The following CFAP43 variants were observed in gnomAD, a reference collection of about 807,000 sequenced individuals.
The protein encoded by CFAP43 is cilia and flagella associated protein 43.
A neutral mutation model predicts 218.9 loss-of-function variants in CFAP43; 155 were observed. That is an observed-to-expected ratio of 0.71 (90% CI 0.62 to 0.81). The LOEUF is 0.81. Ranked by LOEUF, CFAP43 falls within the 30% of genes least tolerant of loss-of-function variation. The pLI is 0.00. For missense variants in CFAP43, 1,778 were observed against 1,954.3 expected (o/e 0.91, Z 1.70); for synonymous variants, 645 against 681.3 (o/e 0.95, Z 0.83).
In CFAP43 at chr10:104,157,771, TGTGTGAGAGA is replaced by T. The variant is rs1450705235; in HGVS notation, c.3540+3256_3540+3265del. 8.6e-3 allele frequency among the ~76,000 whole-genome samples: 915 copies of T among 105,912 alleles called. 8 individuals carry two copies. The highest frequency in any genetic ancestry group is 0.034 in the African/African-American group (872 of 25,876). The allele number at this position is 105,912 out of a possible 152,430, so 69.5% of individuals were successfully genotyped here. On this transcript the variant is annotated intron_variant, in intron 27 of 37. Transcript: ENST00000357060. ...GTGTGTGTGTGTGTGTGTGTGTGTG[TGTGTGAGAGA>T]GAGAGAGAGAGAGAGAGAGAGAGAG...
chr10:104,226,759 C>G (rs2091314276), intron 2 of CFAP43, among the ~76,000 whole-genome samples: 1 of 152,096 alleles, frequency 6.6e-6, no homozygotes. Flanking sequence ...ATGGCTCACA[C>G]CTGAAATCCC....
intron 3 of CFAP43, among the ~76,000 whole-genome samples, chr10:104,223,780 A>C (rs545114671): frequency 6.6e-6 from 1 of 152,352 alleles, no homozygotes; most frequent in East Asian, 1.9e-4. Context: ...AATACAGTAC[A>C]TCCATCAACA....
intron 10 of CFAP43, 99 bp downstream of exon 10, chr10:104,196,754 T>C: frequency 1.0e-6 from 1 of 1,002,056 alleles, no homozygotes; most frequent in Non-Finnish European, 1.4e-6. Context: ...GAGGCTTCGG[T>C]AACAAGTATT....
intron 20 of CFAP43, among the ~76,000 whole-genome samples, chr10:104,170,352 C>T (rs1035628437): frequency 6.6e-6 from 1 of 151,876 alleles, no homozygotes; most frequent in Non-Finnish European, 1.5e-5. Flanking sequence ...CACAGGGTGG[C>T]GGTGGGGTAG....
At chr10:104,226,574 AG>A (rs2135012130) in intron 2 of CFAP43, among the ~76,000 whole-genome samples, 1 of 151,396 alleles carries the variant, frequency 6.6e-6, no homozygotes, top group African/African-American at 2.4e-5. Context: ...CCAAAAAAAA[AG>A]AGAGAAAAAT....
At chr10:104,199,747 C>G (rs986062726) in intron 8 of CFAP43, among the ~76,000 whole-genome samples, 1 of 152,172 alleles carries the variant, frequency 6.6e-6, no homozygotes, top group African/African-American at 2.4e-5. Context: ...ACAGGCAGGC[C>G]TCCATGACAA....
intron 3 of CFAP43, among the ~76,000 whole-genome samples, chr10:104,223,925 T>C (rs1404531801): frequency 6.6e-6 from 1 of 152,196 alleles, no homozygotes; most frequent in African/African-American, 2.4e-5. Flanking sequence ...ATACACTGTG[T>C]CACTCCCTGT....
intron 27 of CFAP43, among the ~76,000 whole-genome samples, chr10:104,156,285 A>C (rs1344163371): frequency 6.6e-6 from 1 of 151,482 alleles, no homozygotes. Context: ...AGAAAGGGGA[A>C]AAAAAGAATT....
chr10:104,130,754 T>A (rs927932070), intron 37 of CFAP43, among the ~76,000 whole-genome samples: 1 of 151,952 alleles, frequency 6.6e-6, no homozygotes, highest in African/African-American at 2.4e-5. Flanking sequence ...TCCCAGCACT[T>A]TGGTTAGCTG....
chr10:104,158,543 T>C (rs541258734), intron 27 of CFAP43, among the ~76,000 whole-genome samples: 254 of 152,246 alleles, frequency 1.7e-3, no homozygotes, highest in African/African-American at 6.0e-3. Flanking sequence ...AAAATGTCAA[T>C]GTCATGGAAC....
chr10:104,193,767 A>G (rs2090300590), intron 11 of CFAP43, 99 bp downstream of exon 11: 1 of 1,421,978 alleles, frequency 7.0e-7, no homozygotes, highest in Non-Finnish European at 9.4e-7. Flanking sequence ...AAACAAATGA[A>G]ACACGTAAAA....
At chr10:104,199,725 A>C (rs1264962621) in intron 8 of CFAP43, among the ~76,000 whole-genome samples, 1 of 152,264 alleles carries the variant, frequency 6.6e-6, no homozygotes, top group Non-Finnish European at 1.5e-5. Flanking sequence ...GCCAGGTCTC[A>C]CTAACAGCTG....
chr10:104,136,349 CTTATTTTATT>C lies in CFAP43; in HGVS notation c.4432-2575_4432-2566del, dbSNP rs556302792. Among the ~76,000 whole-genome samples the C allele has an allele frequency of 7.0e-3, 1,037 of 148,184 alleles. 48 individuals are homozygous for C. Among genetic ancestry groups the C allele is most frequent in the Admixed American group, 0.057 (842 of 14,902 alleles). Reference sequence around the variant, plus strand: ...TTCAGATTTGATTCTTAGATATTTACTTATTTTATTTTATTTTATTTTATTTTATTTTATT... The same window carrying C: ...TTCAGATTTGATTCTTAGATATTTACTTATTTTATTTTATTTTATTTTATT... On this transcript the variant is annotated intron_variant, in intron 34 of 37. Coordinates refer to ENST00000357060, the MANE Select transcript of CFAP43 (RefSeq NM_025145.7).
intron 34 of CFAP43, 47 bp from the exon 35 acceptor site, chr10:104,133,831 A>G: frequency 4.1e-6 from 6 of 1,459,176 alleles, no homozygotes; most frequent in Non-Finnish European, 5.6e-6. Flanking sequence ...TTCTGCATAT[A>G]GAACATAGAA....
chr10:104,185,683 T>C (rs2090006867), intron 15 of CFAP43, among the ~76,000 whole-genome samples: 1 of 152,184 alleles, frequency 6.6e-6, no homozygotes, highest in Admixed American at 6.6e-5. Flanking sequence ...AAAACTGAGA[T>C]TTCTGAGTCA....
intron 4 of CFAP43, among the ~76,000 whole-genome samples, chr10:104,213,915 C>T (rs1329216720): frequency 6.6e-6 from 1 of 152,180 alleles, no homozygotes; most frequent in African/African-American, 2.4e-5. Flanking sequence ...AAAGTCTTAA[C>T]TCTCCTTTTT....
Position 104,206,066 on chromosome 10 carries a change from G to A in CFAP43, c.896-36C>T, listed in dbSNP as rs371834836. On this transcript the variant is annotated intron_variant, in intron 6 of 37. Transcript: ENST00000357060. ...AGAAAAACAAGGTAAAGCAGGTGACGTAATTAAAAGTACAATGTAACAATG... is the reference window on the plus strand; with the variant it reads ...AGAAAAACAAGGTAAAGCAGGTGACATAATTAAAAGTACAATGTAACAATG... The A allele has an allele frequency of 9.6e-5, 142 of 1,473,158 alleles. 1 individual carries two copies. Among genetic ancestry groups the A allele is most frequent in the South Asian group, 5.1e-4 (42 of 82,372 alleles). 91.3% of individuals were successfully genotyped at this position (1,473,158 alleles called of 1,614,324 possible).
At position 104,145,489 on chromosome 10, in the gene CFAP43, T is replaced by G. The variant is rs759865989; in HGVS notation, c.3931A>C (p.Lys1311Gln). 4 of 1,595,960 alleles carry G rather than the reference T, an allele frequency of 2.5e-6. No homozygotes were observed. In the East Asian group the frequency reaches 9.0e-5, roughly 36 times the overall value. The part of the protein sequence containing the change: ...HQVDILYKLF[K>Q]RRPRISKQKT... ...GGAGAAACAAACCTTGGTCGGCGTT[T>G]AAAAAGTTTGTAGAGTATATCCACT... The change falls in exon 31 of 38, where the codon AAA becomes CAA. Residue 1311 changes from lysine to glutamine, a missense_variant. By Grantham distance (53) the Lys-to-Gln change is moderately conservative. This residue lies in a region of CFAP43 where 1,553 missense variants were observed against 1,685.2 expected (regional missense o/e 0.92). Coordinates refer to ENST00000357060, the MANE Select transcript of CFAP43 (RefSeq NM_025145.7).
At position 104,136,973 on chromosome 10, in the gene CFAP43, AC is replaced by A. The variant is rs549008699; in HGVS notation, c.4432-3190del. On this transcript the variant is annotated intron_variant, in intron 34 of 37. Coordinates refer to ENST00000357060, the MANE Select transcript of CFAP43 (RefSeq NM_025145.7). ...CAAACAACAAAAAAGAGAAACAATA[AC>A]AAGTTTTGATAGGGACGTAGAGAAA... Among the ~76,000 whole-genome samples, 73 of 152,322 alleles carry A rather than the reference AC, an allele frequency of 4.8e-4. 2 individuals carry two copies. In the South Asian group the frequency reaches 6.6e-3, roughly 14 times the overall value.
Sources: gnomAD v4.1 joint callset for allele counts (sites outside exome capture counted in the v4.1 genomes callset) on GRCh38, gnomAD v4.1.1 for gene constraint, gnomAD v4.1.1 regional missense constraint, MANE v1.5 for transcripts, NCBI Gene and HGNC (gene_info 2026-07-23, HGNC 2026-07-21) for gene names.